Variants in TBC1D19 observed in about 807,000 individuals in gnomAD.
TBC1D19 encodes TBC1 domain family member 19, also known as TBC1 domain family, member 19.
A neutral mutation model predicts 89.0 loss-of-function variants in TBC1D19; 60 were observed. The observed-to-expected ratio is 0.67, with a 90% CI of 0.55 to 0.84. The LOEUF (loss-of-function observed/expected upper bound fraction) is 0.84. Ranked by LOEUF, TBC1D19 falls within the 40% of genes least tolerant of loss-of-function variation. TBC1D19 has a pLI of 0.00. For synonymous variants in TBC1D19, 189 were observed against 199.7 expected (o/e 0.95, Z 0.45); for missense variants, 500 against 610.8 (o/e 0.82, Z 1.91).
At chr4:26,591,009 C>T (rs1739760003) in intron 1 of TBC1D19, among the ~76,000 whole-genome samples, 2 of 151,514 alleles carry the variant, frequency 1.3e-5, no homozygotes, top group Non-Finnish European at 2.9e-5. Context: ...ATTCCAGTAT[C>T]ATACAGAATA....
the TBC1D19 span, among the ~76,000 whole-genome samples, chr4:26,835,334 G>A: frequency 6.6e-6 from 1 of 152,208 alleles, no homozygotes; most frequent in South Asian, 2.1e-4. Context: ...GCAGAAGGAA[G>A]CAGCCATTCC....
At chr4:26,726,825 G>GAA (rs5856953) in intron 15 of TBC1D19, among the ~76,000 whole-genome samples, 149,950 of 152,302 alleles carry the variant, frequency 0.98, 73,860 homozygotes, top group East Asian at 1. Context: ...GAAATGAAGA[G>GAA]AATATTTAAT....
the TBC1D19 span, among the ~76,000 whole-genome samples, chr4:26,810,632 C>A: frequency 6.6e-6 from 1 of 152,158 alleles, no homozygotes; most frequent in Non-Finnish European, 1.5e-5. Flanking sequence ...GTGCCAACAG[C>A]ATCCTTCACC....
the TBC1D19 span, among the ~76,000 whole-genome samples, chr4:26,767,135 A>C: frequency 1.3e-5 from 2 of 152,070 alleles, no homozygotes; most frequent in African/African-American, 4.8e-5. Flanking sequence ...ATGCCACTGT[A>C]CCCCAGCCTG....
At chr4:26,842,608 C>CTTTCTTTCTTTCTTTA in the TBC1D19 span, among the ~76,000 whole-genome samples, 1 of 120,522 alleles carries the variant, frequency 8.3e-6, no homozygotes, top group African/African-American at 3.1e-5. Context: ...TTCTTTCTTT[C>CTTTCTTTCTTTCTTTA]TTTCTTTCTT....
intron 7 of TBC1D19, among the ~76,000 whole-genome samples, chr4:26,649,067 C>A (rs1199300701): frequency 6.6e-6 from 1 of 151,634 alleles, no homozygotes; most frequent in East Asian, 1.9e-4. Context: ...GTCAGTTTCC[C>A]TTGTAGTATG....
Position 26,712,742 on chromosome 4 carries a change from A to C in TBC1D19, c.955-5191A>C, listed in dbSNP as rs141629156. ...TATGCTGCTTCAACTCATGGCACAA[A>C]ATGGAAGGGTAAGCAGGTATATACA... is the stretch of plus-strand genomic sequence containing the variant. On this transcript the variant is annotated intron_variant, in intron 13 of 20. Transcript: ENST00000264866. Among the ~76,000 whole-genome samples the C allele has an allele frequency of 2.0e-5, 3 of 152,146 alleles. No homozygotes were observed. In the East Asian group the frequency reaches 5.8e-4, roughly 29 times the overall value.
At chr4:26,695,274 G>C (rs533340030) in intron 13 of TBC1D19, among the ~76,000 whole-genome samples, 1 of 152,162 alleles carries the variant, frequency 6.6e-6, no homozygotes, top group Non-Finnish European at 1.5e-5. Flanking sequence ...AAGATGAAAT[G>C]AGTGAAATGA....
Position 26,584,176 on chromosome 4 carries a change from C to G in TBC1D19, c.-18C>G. ...CCGGCGGCCTGTCCCCGCGGCTTGG[C>G]GGGCTAGGGCAGGGGAAATGTTGCA... On this transcript the variant is annotated 5_prime_UTR_variant, in exon 1 of 21. Coordinates refer to ENST00000264866, the MANE Select transcript of TBC1D19 (RefSeq NM_018317.4). The G allele has an allele frequency of 1.2e-6, 2 of 1,602,358 alleles. No homozygotes were observed. Among genetic ancestry groups the G allele is most frequent in the Non-Finnish European group, 1.7e-6 (2 of 1,175,452 alleles).
Position 26,705,646 on chromosome 4 carries a change from TTGTC to T in TBC1D19, c.955-12283_955-12280del, listed in dbSNP as rs1715681750. 3.3e-5 allele frequency among the ~76,000 whole-genome samples: 5 copies of T among 152,318 alleles called. No individual in the cohort carries two copies. The East Asian group carries it at 9.6e-4, about 29-fold the overall frequency. ...TATTTCTAGTTCTGTTCTATTCTGT[TTGTC>T]TGTACATCTGTCTTTATGCCAATAG... On this transcript the variant is annotated intron_variant, in intron 13 of 20. Transcript: ENST00000264866.
chr4:26,834,784 G>T, the TBC1D19 span, among the ~76,000 whole-genome samples: 4 of 151,992 alleles, frequency 2.6e-5, no homozygotes, highest in Non-Finnish European at 5.9e-5. Flanking sequence ...TAACTATTTT[G>T]CCAGGGAGAC....
chr4:26,842,951 T>A, the TBC1D19 span, among the ~76,000 whole-genome samples: 2 of 152,200 alleles, frequency 1.3e-5, no homozygotes, highest in Admixed American at 6.5e-5. Context: ...GAATTAAGTC[T>A]TCCTGGGCAA....
intron 1 of TBC1D19, among the ~76,000 whole-genome samples, chr4:26,597,056 A>G: frequency 6.6e-6 from 1 of 152,202 alleles, no homozygotes; most frequent in Admixed American, 6.5e-5. Flanking sequence ...GTTGGATTAG[A>G]TTACCTATAT....
intron 13 of TBC1D19, among the ~76,000 whole-genome samples, chr4:26,690,881 T>C (rs753734303): frequency 6.6e-6 from 1 of 152,236 alleles, no homozygotes; most frequent in Non-Finnish European, 1.5e-5. Flanking sequence ...ATTTAAGAAA[T>C]ACATTTTGTA....
intron 7 of TBC1D19, among the ~76,000 whole-genome samples, chr4:26,647,185 C>A (rs1164117236): frequency 6.6e-6 from 1 of 152,024 alleles, no homozygotes; most frequent in African/African-American, 2.4e-5. Flanking sequence ...AGATAATGAT[C>A]ACCTTCAAGT....
intron 15 of TBC1D19, among the ~76,000 whole-genome samples, chr4:26,729,359 C>T (rs1278078415): frequency 2.6e-5 from 4 of 152,178 alleles, no homozygotes; most frequent in South Asian, 2.1e-4. Flanking sequence ...CAACTATGTA[C>T]GTGGCACCAT....
chr4:26,581,339 T>A (rs925977422), upstream of TBC1D19, among the ~76,000 whole-genome samples: 3 of 152,230 alleles, frequency 2.0e-5, no homozygotes, highest in Admixed American at 2.0e-4. Context: ...AAGCCCCGCA[T>A]GCATTAGGTA....
chr4:26,734,951 C>CAT (rs1316528573), intron 15 of TBC1D19, among the ~76,000 whole-genome samples: 16 of 58,946 alleles, frequency 2.7e-4, no homozygotes, highest in African/African-American at 6.8e-4. Flanking sequence ...TATGTATACA[C>CAT]ATATGTATAT....
At chr4:26,747,843 A>G (rs1415605649) in intron 18 of TBC1D19, among the ~76,000 whole-genome samples, 1 of 152,232 alleles carries the variant, frequency 6.6e-6, no homozygotes, top group African/African-American at 2.4e-5. Flanking sequence ...TCAGAGTTCT[A>G]TAACCTCCTA....
Sources: allele counts gnomAD v4.1 joint callset (sites outside exome capture counted in the v4.1 genomes callset), GRCh38; gene constraint gnomAD v4.1.1; transcripts MANE v1.5; gene names NCBI Gene and HGNC (gene_info 2026-07-23, HGNC 2026-07-21).